The following MUC13 variants were observed in gnomAD, a reference collection of about 807,000 sequenced individuals.
The protein encoded by MUC13 is mucin-13.
MUC13 carries 32 observed loss-of-function variants against 48.3 expected under a neutral mutation model. The observed-to-expected ratio is 0.66, with a 90% CI of 0.50 to 0.89. The LOEUF (loss-of-function observed/expected upper bound fraction) is 0.89. Among genes scored for constraint, MUC13 ranks in the 40% least tolerant of loss-of-function variants. The pLI, the probability that MUC13 is intolerant of heterozygous loss-of-function variation, is 0.00. For missense variants in MUC13, 571 were observed against 622.8 expected, an observed-to-expected ratio of 0.92 and a Z score of 0.88; for synonymous variants, 199 against 224.9, an observed-to-expected ratio of 0.88 and a Z score of 1.03.
chr3:124,925,119 A>G (rs917854392), intron 2 of MUC13, among the ~76,000 whole-genome samples: 3 of 152,254 alleles, frequency 2.0e-5, no homozygotes, highest in African/African-American at 7.2e-5. Flanking sequence ...AAACTGGTAC[A>G]TCTAGACAAT....
intron 6 of MUC13, among the ~76,000 whole-genome samples, chr3:124,913,982 A>T (rs1176005941): frequency 6.6e-6 from 1 of 152,190 alleles, no homozygotes; most frequent in African/African-American, 2.4e-5. Flanking sequence ...GGATCACTTG[A>T]GCCCAGAAGT....
intron 11 of MUC13, among the ~76,000 whole-genome samples, chr3:124,907,714 C>T (rs939591604): frequency 1.8e-4 from 27 of 151,462 alleles, no homozygotes; most frequent in African/African-American, 5.8e-4. Flanking sequence ...GGAAAGAGAG[C>T]GTTGCCTTTA....
At chr3:124,917,080 C>A (rs1348724400) in intron 5 of MUC13, among the ~76,000 whole-genome samples, 1 of 152,196 alleles carries the variant, frequency 6.6e-6, no homozygotes, top group East Asian at 1.9e-4. Context: ...ATGAGCAAAT[C>A]CTACCAGCAA....
intron 2 of MUC13, among the ~76,000 whole-genome samples, chr3:124,924,208 A>G (rs1356141038): frequency 6.6e-6 from 1 of 152,266 alleles, no homozygotes; most frequent in Non-Finnish European, 1.5e-5. Flanking sequence ...GAAAATTCTA[A>G]GAGGCCATGA....
At chr3:124,908,686 T>C (rs1316383830) in intron 10 of MUC13, among the ~76,000 whole-genome samples, 2 of 152,250 alleles carry the variant, frequency 1.3e-5, no homozygotes, top group African/African-American at 2.4e-5. Flanking sequence ...ATGAGCTCTG[T>C]GTAGCGACAA....
rs1935728345 is a variant in MUC13, at chr3:124,928,065, A to G, written c.53-72T>C. 6 of 1,131,296 alleles carry G rather than the reference A, an allele frequency of 5.3e-6. No homozygotes were observed. In the South Asian group the frequency reaches 8.1e-5, roughly 15 times the overall value. The allele number at this position is 1,131,296 out of a possible 1,614,324, so 70.1% of individuals were successfully genotyped here. ...ACTAATGGCAGTTACTTAATACTAAATCATATCCAACTCATTCTTTTTTTT... is the reference window on the plus strand; with the variant it reads ...ACTAATGGCAGTTACTTAATACTAAGTCATATCCAACTCATTCTTTTTTTT... On this transcript the variant is annotated intron_variant, in intron 1 of 11. Transcript: ENST00000616727.
chr3:124,916,359 T>C lies in MUC13; in HGVS notation c.922A>G (p.Lys308Glu), dbSNP rs1460311586. ...NEKTVTEKIN[K>E]AIRSSSSNFL... ...TTGCTTGAGCTACTTCTAATTGCTT[T>C]ATTAATTTTCTCAGTCACAGTCTTC... The change falls in exon 6 of 12, where the codon AAA (lysine) becomes GAA (glutamate). Residue 308 changes from lysine (K) to glutamate (E), a missense_variant. Transcript: ENST00000616727. The C allele has an allele frequency of 3.7e-6, 6 of 1,613,140 alleles. No individual in the cohort carries two copies. Among genetic ancestry groups the C allele is most frequent in the African/African-American group, 2.7e-5 (2 of 74,924 alleles).
intron 7 of MUC13, 135 bp from the exon 8 acceptor site, chr3:124,913,375 A>G: frequency 6.9e-7 from 1 of 1,443,290 alleles, no homozygotes. Flanking sequence ...TCCACACATG[A>G]TGTGCCCCCT....
intron 8 of MUC13, among the ~76,000 whole-genome samples, chr3:124,912,631 G>C (rs966811725): frequency 3.9e-5 from 6 of 152,170 alleles, no homozygotes; most frequent in African/African-American, 1.4e-4. Flanking sequence ...CTGGAGCATA[G>C]AGAATGCTCA....
At chr3:124,918,773 T>C (rs1579366142) in intron 5 of MUC13, among the ~76,000 whole-genome samples, 1 of 152,158 alleles carries the variant, frequency 6.6e-6, no homozygotes, top group East Asian at 1.9e-4. Flanking sequence ...GAACTGGCTA[T>C]TGTCCACTAA....
intron 9 of MUC13, among the ~76,000 whole-genome samples, chr3:124,911,750 T>A (rs1433913450): frequency 6.6e-6 from 1 of 152,116 alleles, no homozygotes; most frequent in Non-Finnish European, 1.5e-5. Context: ...CCACCAGAAT[T>A]TTTGGAATTA....
At chr3:124,923,392 T>G (rs961701601) in intron 3 of MUC13, 135 bp downstream of exon 3, 4 of 883,156 alleles carry the variant, frequency 4.5e-6, no homozygotes, top group Non-Finnish European at 6.8e-6. Context: ...TTCTCTACTT[T>G]GCTGGCCTTT....
intron 6 of MUC13, among the ~76,000 whole-genome samples, chr3:124,914,735 C>T (rs1288579552): frequency 6.6e-6 from 1 of 151,958 alleles, no homozygotes; most frequent in African/African-American, 2.4e-5. Flanking sequence ...GAGACCAGCC[C>T]AGCCAAAATG....
intron 1 of MUC13, among the ~76,000 whole-genome samples, chr3:124,928,872 C>T (rs897287321): frequency 5.9e-5 from 9 of 152,042 alleles, no homozygotes; most frequent in African/African-American, 2.2e-4. Flanking sequence ...GGCAACTGTC[C>T]CATTTTTTCA....
At chr3:124,916,108 G>T (rs770268864) in intron 6 of MUC13, among the ~76,000 whole-genome samples, 4 of 152,196 alleles carry the variant, frequency 2.6e-5, no homozygotes, top group Non-Finnish European at 4.4e-5. Flanking sequence ...GGAACACACT[G>T]GTCAGTTTGA....
intron 5 of MUC13, among the ~76,000 whole-genome samples, chr3:124,916,969 C>G (rs115622824): frequency 0.029 from 4,406 of 152,052 alleles, 100 homozygotes; most frequent in South Asian, 0.045. Flanking sequence ...CAGAAAGGAC[C>G]AGGAAGTCAG....
intron 2 of MUC13, among the ~76,000 whole-genome samples, chr3:124,925,598 C>T (rs988639120): frequency 1.3e-5 from 2 of 152,152 alleles, no homozygotes; most frequent in East Asian, 1.9e-4. Context: ...TCTAAAACTG[C>T]TCTAAAAATA....
At chr3:124,914,818 C>T (rs576354025) in intron 6 of MUC13, among the ~76,000 whole-genome samples, 4 of 152,150 alleles carry the variant, frequency 2.6e-5, no homozygotes, top group South Asian at 2.1e-4. Context: ...CCCAGCTACT[C>T]GAGAGGCTGA....
At chr3:124,932,340 T>G (rs1034276012) in intron 1 of MUC13, among the ~76,000 whole-genome samples, 8 of 151,978 alleles carry the variant, frequency 5.3e-5, no homozygotes, top group Non-Finnish European at 7.4e-5. Flanking sequence ...CCAAGGCAGG[T>G]GGATCTCCTG....
Sources: gnomAD v4.1 joint callset for allele counts (sites outside exome capture counted in the v4.1 genomes callset) on GRCh38, gnomAD v4.1.1 for gene constraint, MANE v1.5 for transcripts, NCBI Gene and HGNC (gene_info 2026-07-23, HGNC 2026-07-21) for gene names.